Variants in C8orf48 observed in about 807,000 individuals in gnomAD.
C8orf48 encodes the protein chromosome 8 open reading frame 48.
For missense variants in C8orf48, 580 were observed against 363.3 expected (o/e 1.60, Z -4.85); for synonymous variants, 188 against 138.2 (o/e 1.36, Z -2.53).
At position 13,568,232 on chromosome 8, in the gene C8orf48, TC is replaced by T. The variant is rs1373235393; in HGVS notation, c.*282del. Reference sequence around the variant, plus strand: ...AGAGAAACTTAAAAAGTAATAACTGTCTTTGGCGATCAAATGGCTATGGGGA... The same window carrying T: ...AGAGAAACTTAAAAAGTAATAACTGTTTTGGCGATCAAATGGCTATGGGGA... On this transcript the variant is annotated 3_prime_UTR_variant, in exon 1 of 1. Transcript: ENST00000297324. 1.4e-5 allele frequency: 4 copies of T among 291,478 alleles called. No homozygotes were observed. The East Asian group carries it at 2.9e-4, about 21-fold the overall frequency. The allele number at this position is 291,478 out of a possible 1,614,324, so 18.1% of individuals were successfully genotyped here.
At position 13,567,772 on chromosome 8, in the gene C8orf48, A is replaced by C. The variant is rs1048620835; in HGVS notation, c.781A>C (p.Ile261Leu). The change falls in exon 1 of 1, where the codon ATC (isoleucine) becomes CTC (leucine). Residue 261 changes from isoleucine (I) to leucine (L), a missense_variant. Physicochemically the swap from Ile to Leu is conservative, Grantham distance 5. Transcript: ENST00000297324. ...FPRLSDDPRIIWKRLTEKSHI... is the reference protein window; with the variant it reads ...FPRLSDDPRILWKRLTEKSHI... ...CAGGCTTTCAGATGACCCCAGAATA[A>C]TCTGGAAAAGACTGACTGAGAAAAG... 8 of 1,551,976 alleles carry C rather than the reference A, an allele frequency of 5.2e-6. No homozygotes were observed. The African/African-American group carries it at 6.8e-5, about 13-fold the overall frequency.
chr8:13,567,439 C>G lies in C8orf48; in HGVS notation c.448C>G (p.Leu150Val), dbSNP rs1025228723. ...GAAGACGAGCAGCAGACATAAAAAG[C>G]TGCATCTTGGATTGGATGTAGAGGC... ...KKKTSSRHKK[L>V]HLGLDVEASE... The change falls in exon 1 of 1, where the codon CTG (leucine) becomes GTG (valine). Residue 150 changes from leucine (L) to valine (V), a missense_variant. Leu to Val is a conservative substitution (Grantham distance 32). Transcript: ENST00000297324. The G allele has an allele frequency of 6.4e-7, 1 of 1,552,060 alleles. No individual in the cohort carries two copies. The highest frequency in any genetic ancestry group is 8.7e-7 in the Non-Finnish European group (1 of 1,147,082).
chr8:13,568,114 G>C lies in C8orf48; in HGVS notation c.*163G>C, dbSNP rs937689539. 2.6e-6 allele frequency: 2 copies of C among 778,576 alleles called. No homozygotes were observed. The highest frequency in any genetic ancestry group is 3.9e-6 in the Non-Finnish European group (2 of 512,222). 48.2% of individuals were successfully genotyped at this position (778,576 alleles called of 1,614,324 possible). On this transcript the variant is annotated 3_prime_UTR_variant, in exon 1 of 1. Transcript: ENST00000297324. ...AGAAGGCACTGTTGTAGTTGGAATA[G>C]TTATAAAAACTTTTACAAAATTCCA...
Position 13,567,691 on chromosome 8 carries a change from C to G in C8orf48, c.700C>G (p.His234Asp). ...TCTACTCCAAGAGAGAATAGATGAACATCTTCATACCAAAGACTTTCTCAC... is the reference window on the plus strand; with the variant it reads ...TCTACTCCAAGAGAGAATAGATGAAGATCTTCATACCAAAGACTTTCTCAC... The part of the protein sequence containing the change: ...SFLLQERIDE[H>D]LHTKDFLTRI... Residue 234 changes from histidine to aspartate, a missense_variant, in exon 1 of 1, where the codon CAT (histidine) becomes GAT (aspartate). By Grantham distance (81) the His-to-Asp change is moderately conservative. Transcript: ENST00000297324. The G allele has an allele frequency of 6.4e-7, 1 of 1,551,956 alleles. No individual in the cohort carries two copies. Among genetic ancestry groups the G allele is most frequent in the East Asian group, 2.4e-5 (1 of 40,926 alleles).
At position 13,567,218 on chromosome 8, in the gene C8orf48, A is replaced by T. The variant is rs147132901; in HGVS notation, c.227A>T (p.Tyr76Phe). The stretch of plus-strand genomic sequence containing the variant: ...GACACACAATCTGAGCTTTTGGACT[A>T]TAAAAATTATGAAAAGAAGTTGAGT... ...QGDTQSELLD[Y>F]KNYEKKLSKK... The change falls in exon 1 of 1, where the codon TAT (tyrosine) becomes TTT (phenylalanine). Residue 76 changes from tyrosine (Y) to phenylalanine (F), a missense_variant. Tyr to Phe is a conservative substitution (Grantham distance 22). Coordinates refer to ENST00000297324, the MANE Select transcript of C8orf48 (RefSeq NM_001007090.3). 1.8e-5 allele frequency: 28 copies of T among 1,551,546 alleles called. No individual in the cohort carries two copies. Among genetic ancestry groups the T allele is most frequent in the Non-Finnish European group, 1.7e-6 (2 of 1,147,006 alleles).
rs1162215969 is a variant in C8orf48 at position 13,567,741 on chromosome 8, C to T, written c.750C>T (p.Asp250=). The change falls in exon 1 of 1, where the codon GAC becomes GAT. Residue 250 remains aspartate (D), a synonymous_variant. Coordinates refer to ENST00000297324, the MANE Select transcript of C8orf48 (RefSeq NM_001007090.3). ...FLTRIGEAHQ[D]FPRLSDDPRI... Reference sequence around the variant, plus strand: ...CCCGTATTGGAGAAGCACATCAAGACTTTCCCAGGCTTTCAGATGACCCCA... The same window carrying T: ...CCCGTATTGGAGAAGCACATCAAGATTTTCCCAGGCTTTCAGATGACCCCA... 6.4e-7 allele frequency: 1 copy of T among 1,552,096 alleles called. No homozygotes were observed. The highest frequency in any genetic ancestry group is 2.0e-5 in the Admixed American group (1 of 51,012).
Position 13,567,749 on chromosome 8 carries a change from G to A in C8orf48, c.758G>A (p.Arg253Lys). The A allele has an allele frequency of 1.9e-6, 3 of 1,552,014 alleles. No homozygotes were observed. Among genetic ancestry groups the A allele is most frequent in the Non-Finnish European group, 2.6e-6 (3 of 1,147,076 alleles). ...GGAGAAGCACATCAAGACTTTCCCA[G>A]GCTTTCAGATGACCCCAGAATAATC... ...RIGEAHQDFP[R>K]LSDDPRIIWK... The change falls in exon 1 of 1, where the codon AGG becomes AAG. Residue 253 changes from arginine to lysine, a missense_variant. By Grantham distance (26) the Arg-to-Lys change is conservative (BLOSUM62 2). Transcript: ENST00000297324.
Position 13,567,510 on chromosome 8 carries a change from G to A in C8orf48, c.519G>A (p.Leu173=), listed in dbSNP as rs945374415. 41 of 1,551,884 alleles carry A rather than the reference G, an allele frequency of 2.6e-5. No individual in the cohort carries two copies. Among genetic ancestry groups the A allele is most frequent in the Non-Finnish European group, 3.5e-5 (40 of 1,147,068 alleles). ...AFSCTVPDEL[L]NRIYFKNMRT... Reference sequence around the variant, plus strand: ...GTTGTACTGTACCCGATGAACTTTTGAACAGAATCTACTTTAAAAACATGA... The same window carrying A: ...GTTGTACTGTACCCGATGAACTTTTAAACAGAATCTACTTTAAAAACATGA... Residue 173 remains leucine (L), a synonymous_variant, in exon 1 of 1, where the codon TTG becomes TTA. Transcript: ENST00000297324.
At position 13,567,329 on chromosome 8, in the gene C8orf48, G is replaced by A. The variant is rs772088115; in HGVS notation, c.338G>A (p.Arg113Gln). Residue 113 changes from arginine to glutamine, a missense_variant, in exon 1 of 1, where the codon CGG becomes CAG. Arg to Gln is a conservative substitution (Grantham distance 43). Transcript: ENST00000297324. ...PDTKLPTEITRVSDEELNALQ... is the reference protein window; with the variant it reads ...PDTKLPTEITQVSDEELNALQ... ...ACCAAACTTCCAACAGAAATCACTC[G>A]GGTATCAGATGAAGAATTGAATGCC... 5 of 1,551,472 alleles carry A rather than the reference G, an allele frequency of 3.2e-6. No individual in the cohort carries two copies. The South Asian group carries it at 4.8e-5, about 15-fold the overall frequency.
At position 13,567,503 on chromosome 8, in the gene C8orf48, A is replaced by G; in HGVS notation, c.512A>G (p.Glu171Gly). 6.4e-7 allele frequency: 1 copy of G among 1,552,066 alleles called. No individual in the cohort carries two copies. Among genetic ancestry groups the G allele is most frequent in the Non-Finnish European group, 8.7e-7 (1 of 1,147,076 alleles). ...GCCTTTAGTTGTACTGTACCCGATG[A>G]ACTTTTGAACAGAATCTACTTTAAA... Reference protein sequence around the residue: ...RDAFSCTVPDELLNRIYFKNM... With the variant: ...RDAFSCTVPDGLLNRIYFKNM... Residue 171 changes from glutamate (E) to glycine (G), a missense_variant, in exon 1 of 1, where the codon GAA becomes GGA. Glu to Gly is a moderately conservative substitution (Grantham distance 98). Coordinates refer to ENST00000297324, the MANE Select transcript of C8orf48 (RefSeq NM_001007090.3).
chr8:13,567,915 C>T lies in C8orf48; in HGVS notation c.924C>T (p.Ile308=). ...CATTTCTCAAGCGACTTACTCTAAT[C>T]AAACCAGAGCTGGTGATTGTTAATG... ...SLPFLKRLTL[I]KPELVIVNDN... is the part of the protein sequence containing the mutation. The change falls in exon 1 of 1, where the codon ATC becomes ATT. Residue 308 remains isoleucine, a synonymous_variant. Coordinates refer to ENST00000297324, the MANE Select transcript of C8orf48 (RefSeq NM_001007090.3). 6.4e-7 allele frequency: 1 copy of T among 1,551,136 alleles called. No homozygotes were observed. The highest frequency in any genetic ancestry group is 2.4e-5 in the East Asian group (1 of 40,914).
Position 13,567,350 on chromosome 8 carries a change from A to T in C8orf48, c.359A>T (p.Asn120Ile). ...ACTCGGGTATCAGATGAAGAATTGA[A>T]TGCCCTGCAGTCTTATTGCACCATG... The part of the protein sequence containing the change: ...EITRVSDEEL[N>I]ALQSYCTMKI... The change falls in exon 1 of 1, where the codon AAT (asparagine) becomes ATT (isoleucine). Residue 120 changes from asparagine (N) to isoleucine (I), a missense_variant. Physicochemically the swap from Asn to Ile is moderately radical, Grantham distance 149. Coordinates refer to ENST00000297324, the MANE Select transcript of C8orf48 (RefSeq NM_001007090.3). 1 of 1,551,730 alleles carries T rather than the reference A, an allele frequency of 6.4e-7. No individual in the cohort carries two copies. Among genetic ancestry groups the T allele is most frequent in the Non-Finnish European group, 8.7e-7 (1 of 1,147,006 alleles).
the C8orf48 span, chr8:13,567,295 C>T: frequency 2.6e-4 from 397 of 1,551,704 alleles, 1 homozygote; most frequent in African/African-American, 4.7e-3. Context: ...TGAACGGCAC[C>T]AACCAGACAC....
Position 13,568,132 on chromosome 8 carries a change from A to G in C8orf48, c.*181A>G. ...TGGAATAGTTATAAAAACTTTTACAAAATTCCAAGAGAACTATGTTGGTAG... is the reference window on the plus strand; with the variant it reads ...TGGAATAGTTATAAAAACTTTTACAGAATTCCAAGAGAACTATGTTGGTAG... On this transcript the variant is annotated 3_prime_UTR_variant, in exon 1 of 1. Coordinates refer to ENST00000297324, the MANE Select transcript of C8orf48 (RefSeq NM_001007090.3). The G allele has an allele frequency of 1.5e-6, 1 of 673,206 alleles. No homozygotes were observed. Among genetic ancestry groups the G allele is most frequent in the Non-Finnish European group, 2.4e-6 (1 of 419,786 alleles). The allele number at this position is 673,206 out of a possible 1,614,324, so 41.7% of individuals were successfully genotyped here. A position where few individuals can be genotyped will look rare whatever the true frequency, so the allele number is the denominator to read the frequency against.
In C8orf48 at chr8:13,567,462, G is replaced by A. The variant is rs1471726037; in HGVS notation, c.471G>A (p.Glu157=). The change falls in exon 1 of 1, where the codon GAG becomes GAA. Residue 157 remains glutamate, a synonymous_variant. Transcript: ENST00000297324. The stretch of plus-strand genomic sequence containing the variant: ...AGCTGCATCTTGGATTGGATGTAGA[G>A]GCTTCAGAGAGAGATGCCTTTAGTT... ...HKKLHLGLDV[E]ASERDAFSCT... is the part of the protein sequence containing the mutation. The A allele has an allele frequency of 1.9e-6, 3 of 1,552,078 alleles. No homozygotes were observed. The highest frequency in any genetic ancestry group is 2.0e-5 in the Admixed American group (1 of 51,012).
In C8orf48 at chr8:13,567,644, A is replaced by G; in HGVS notation, c.653A>G (p.Lys218Arg). 1 of 1,551,704 alleles carries G rather than the reference A, an allele frequency of 6.4e-7. No homozygotes were observed. The highest frequency in any genetic ancestry group is 8.7e-7 in the Non-Finnish European group (1 of 1,147,004). Residue 218 changes from lysine to arginine, a missense_variant, in exon 1 of 1, where the codon AAG becomes AGG. Transcript: ENST00000297324. ...GCCCTGTCTGCCTTTCTGAAACAAA[A>G]GAAGACTTTACTGGAGTCATTTCTA... ...ELALSAFLKQKKTLLESFLLQ... is the reference protein window; with the variant it reads ...ELALSAFLKQRKTLLESFLLQ...
Position 13,567,627 on chromosome 8 carries a change from T to C in C8orf48, c.636T>C (p.Ser212=). Residue 212 remains serine, a synonymous_variant, in exon 1 of 1, where the codon TCT becomes TCC. Coordinates refer to ENST00000297324, the MANE Select transcript of C8orf48 (RefSeq NM_001007090.3). ...CNRKRAELAL[S]AFLKQKKTLL... ...GGAAAAGAGCGGAGCTGGCCCTGTC[T>C]GCCTTTCTGAAACAAAAGAAGACTT... 5.8e-6 allele frequency: 9 copies of C among 1,551,726 alleles called. No individual in the cohort carries two copies. The highest frequency in any genetic ancestry group is 7.8e-6 in the Non-Finnish European group (9 of 1,147,000).
rs1387885452 is a variant in C8orf48, at chr8:13,567,058, G to C, written c.67G>C (p.Glu23Gln). The change falls in exon 1 of 1, where the codon GAG becomes CAG. Residue 23 changes from glutamate to glutamine, a missense_variant. Physicochemically the swap from Glu to Gln is conservative, Grantham distance 29. Coordinates refer to ENST00000297324, the MANE Select transcript of C8orf48 (RefSeq NM_001007090.3). The part of the protein sequence containing the change: ...SALANLSDET[E>Q]TLKNSTDEVQ... ...TCTTGCAAACCTTTCTGATGAGACT[G>C]AGACTTTGAAGAACTCTACTGATGA... is the stretch of plus-strand genomic sequence containing the variant. 6.4e-7 allele frequency: 1 copy of C among 1,551,770 alleles called. No individual in the cohort carries two copies. Among genetic ancestry groups the C allele is most frequent in the South Asian group, 1.2e-5 (1 of 84,060 alleles).
the C8orf48 span, chr8:13,567,439 C>CA: frequency 6.4e-7 from 1 of 1,552,060 alleles, no homozygotes; most frequent in Non-Finnish European, 8.7e-7. Context: ...ACATAAAAAG[C>CA]TGCATCTTGG....
Sources: gnomAD v4.1 joint callset for allele counts on GRCh38, gnomAD v4.1.1 for gene constraint, MANE v1.5 for transcripts, NCBI Gene and HGNC (gene_info 2026-07-23, HGNC 2026-07-21) for gene names.